The following SERPINI2 variants were observed in gnomAD, a reference collection of about 807,000 sequenced individuals.
The protein encoded by SERPINI2 is serpin I2.
Under a neutral mutation model 47.3 loss-of-function variants are expected in SERPINI2, and 48 were observed. That is an observed-to-expected ratio of 1.02 (90% CI 0.81 to 1.29). The LOEUF is 1.29. Among genes scored for constraint, SERPINI2 ranks in the 50% most tolerant of loss-of-function variants. The probability of loss-of-function intolerance (pLI) is 0.00; values close to 1 mark genes in which losing one functional copy is unlikely to be tolerated. For missense variants in SERPINI2, 448 were observed against 456.9 expected (o/e 0.98, Z 0.18); for synonymous variants, 135 against 149.3 (o/e 0.90, Z 0.70).
At chr3:167,447,383 C>G (rs1577167115) in intron 7 of SERPINI2, among the ~76,000 whole-genome samples, 1 of 152,260 alleles carries the variant, frequency 6.6e-6, no homozygotes, top group East Asian at 1.9e-4. Flanking sequence ...CAGTTTTACT[C>G]CCATTCCCAT....
intron 2 of SERPINI2, among the ~76,000 whole-genome samples, chr3:167,470,557 T>G (rs1750279986): frequency 7.3e-5 from 4 of 55,046 alleles, no homozygotes; most frequent in African/African-American, 2.5e-4. Context: ...CAACTTTTTT[T>G]TTTTTTTTTT....
At chr3:167,463,788 T>C (rs986220332) in intron 5 of SERPINI2, among the ~76,000 whole-genome samples, 1 of 152,132 alleles carries the variant, frequency 6.6e-6, no homozygotes, top group African/African-American at 2.4e-5. Flanking sequence ...TATAGAAGAC[T>C]GGCACACTTG....
intron 5 of SERPINI2, among the ~76,000 whole-genome samples, chr3:167,459,680 G>GT (rs1560233791): frequency 1.3e-5 from 1 of 75,744 alleles, no homozygotes. Context: ...TCTTATGGGT[G>GT]GTTTTTTTTT....
At chr3:167,474,291 T>C (rs1473019825), upstream of SERPINI2, among the ~76,000 whole-genome samples, 3 of 151,808 alleles carry the variant, frequency 2.0e-5, no homozygotes, top group East Asian at 5.8e-4. Flanking sequence ...ATTTTGCTTC[T>C]TTTAAAAGTT....
At position 167,465,411 on chromosome 3, in the gene SERPINI2, A is replaced by G; in HGVS notation, c.674-13T>C. ...TCAGAAAAATAACCTGGAATAGACA[A>G]AATAAAATATCAAATATACTTGGCA... On this transcript the variant is annotated splice_polypyrimidine_tract_variant and intron_variant, in intron 4 of 8. Transcript: ENST00000264677. 1 of 1,602,084 alleles carries G rather than the reference A, an allele frequency of 6.2e-7. No individual in the cohort carries two copies. The highest frequency in any genetic ancestry group is 1.1e-5 in the South Asian group (1 of 88,482).
chr3:167,451,231 G>A (rs927760514), intron 6 of SERPINI2, among the ~76,000 whole-genome samples: 5 of 152,110 alleles, frequency 3.3e-5, no homozygotes, highest in Non-Finnish European at 7.3e-5. Flanking sequence ...ACTCAGAAAG[G>A]TTAAATATTT....
At chr3:167,446,879 T>C (rs1355670326) in intron 7 of SERPINI2, 2 of 153,372 alleles carry the variant, frequency 1.3e-5, no homozygotes, top group Non-Finnish European at 2.9e-5. Flanking sequence ...ACTTCGGGTT[T>C]GTGGTAATCA....
intron 8 of SERPINI2, among the ~76,000 whole-genome samples, chr3:167,442,640 G>C (rs551196832): frequency 7.2e-5 from 11 of 152,208 alleles, no homozygotes; most frequent in African/African-American, 1.7e-4. Context: ...TTTCAGCTCT[G>C]AATCAAAGCT....
intron 8 of SERPINI2, among the ~76,000 whole-genome samples, chr3:167,443,389 G>C (rs550424809): frequency 6.6e-6 from 1 of 152,090 alleles, no homozygotes; most frequent in Middle Eastern, 3.2e-3. Context: ...TTACAGGCGT[G>C]AGCCACCGCG....
At chr3:167,472,542 C>G (rs760229486) in intron 1 of SERPINI2, among the ~76,000 whole-genome samples, 5 of 151,832 alleles carry the variant, frequency 3.3e-5, no homozygotes, top group Non-Finnish European at 7.4e-5. Flanking sequence ...ATACCCCAAA[C>G]CTTAGTGTCA....
At chr3:167,456,864 T>C (rs1464764228) in intron 5 of SERPINI2, among the ~76,000 whole-genome samples, 1 of 152,172 alleles carries the variant, frequency 6.6e-6, no homozygotes. Flanking sequence ...CAAATAATAT[T>C]TAGCTAATAT....
intron 2 of SERPINI2, among the ~76,000 whole-genome samples, chr3:167,470,183 A>G (rs1224832116): frequency 1.3e-5 from 2 of 152,156 alleles, no homozygotes; most frequent in Admixed American, 6.6e-5. Flanking sequence ...TGGGAGTGGT[A>G]TATTGGGATT....
chr3:167,444,353 AAAT>A (rs1749409551), intron 8 of SERPINI2, among the ~76,000 whole-genome samples: 1 of 152,192 alleles, frequency 6.6e-6, no homozygotes, highest in Non-Finnish European at 1.5e-5. Context: ...AGGAAAATCC[AAAT>A]AATGGCTAGA....
chr3:167,448,089 G>A (rs1749529804), intron 7 of SERPINI2, among the ~76,000 whole-genome samples: 1 of 152,166 alleles, frequency 6.6e-6, no homozygotes, highest in African/African-American at 2.4e-5. Context: ...ATTCATTAAA[G>A]TTGCTTGTCC....
intron 5 of SERPINI2, among the ~76,000 whole-genome samples, chr3:167,464,997 A>G (rs1464986162): frequency 6.6e-6 from 1 of 152,232 alleles, no homozygotes; most frequent in Non-Finnish European, 1.5e-5. Context: ...AAAACTAAGC[A>G]CTTAAATTCA....
exon 3 of SERPINI2, chr3:167,467,228 T>C: frequency 6.2e-7 from 1 of 1,613,040 alleles, no homozygotes; most frequent in Non-Finnish European, 8.5e-7. Context: ...AAATGTAAAT[T>C]CTTGTTTTTT....
At chr3:167,458,245 CTTTTTTTTTT>C (rs949215365) in intron 5 of SERPINI2, among the ~76,000 whole-genome samples, 3 of 105,218 alleles carry the variant, frequency 2.9e-5, no homozygotes, top group African/African-American at 7.8e-5. Flanking sequence ...GAATTTCTTT[CTTTTTTTTTT>C]TTTTTTTTTT....
upstream of SERPINI2, among the ~76,000 whole-genome samples, chr3:167,474,751 A>T (rs1750442781): frequency 6.6e-6 from 1 of 151,782 alleles, no homozygotes; most frequent in Non-Finnish European, 1.5e-5. Flanking sequence ...AAAGGTCATT[A>T]ATAAAAAATT....
chr3:167,455,021 A>G lies in SERPINI2; in HGVS notation c.867-1988T>C, dbSNP rs531780768. On this transcript the variant is annotated intron_variant, in intron 5 of 8. Transcript: ENST00000264677. ...AGTCAAAGCTAATGTGCTAACTGCC[A>G]CTACTTTCTAATCAAAATGTAATTC... 1.7e-4 allele frequency among the ~76,000 whole-genome samples: 26 copies of G among 152,334 alleles called. No homozygotes were observed. In the South Asian group the frequency reaches 5.4e-3, roughly 32 times the overall value.
Sources: gnomAD v4.1 joint callset for allele counts (sites outside exome capture counted in the v4.1 genomes callset) on GRCh38, gnomAD v4.1.1 for gene constraint, MANE v1.5 for transcripts, NCBI Gene and HGNC (gene_info 2026-07-23, HGNC 2026-07-21) for gene names.